ERGIC1: variants seen among roughly 807,000 people sequenced by gnomAD.
ERGIC1 encodes the protein endoplasmic reticulum-golgi intermediate compartment 1, also known as endoplasmic reticulum-Golgi intermediate compartment protein 1.
A neutral mutation model predicts 38.3 loss-of-function variants in ERGIC1; 19 were observed. That is an observed-to-expected ratio of 0.50 (90% CI 0.35 to 0.73). The LOEUF (loss-of-function observed/expected upper bound fraction) is 0.73. Ranked by LOEUF, ERGIC1 falls within the 30% of genes least tolerant of loss-of-function variation. ERGIC1 has a pLI of 0.01. For synonymous variants in ERGIC1, 124 were observed against 157.6 expected (o/e 0.79, Z 1.60); for missense variants, 294 against 389.2 (o/e 0.76, Z 2.06).
intron 2 of ERGIC1, among the ~76,000 whole-genome samples, chr5:172,889,372 T>C (rs1286890121): frequency 1.3e-5 from 2 of 152,016 alleles, no homozygotes; most frequent in Non-Finnish European, 1.5e-5. Flanking sequence ...TAAAAATGAT[T>C]TGAGTTTTCC....
intron 2 of ERGIC1, among the ~76,000 whole-genome samples, chr5:172,889,796 G>T (rs980804255): frequency 2.6e-5 from 4 of 152,134 alleles, no homozygotes; most frequent in Non-Finnish European, 5.9e-5. Flanking sequence ...TAGAATATTT[G>T]CATTATACTT....
At chr5:172,876,053 C>T (rs1483135221) in intron 1 of ERGIC1, among the ~76,000 whole-genome samples, 3 of 152,158 alleles carry the variant, frequency 2.0e-5, no homozygotes, top group East Asian at 3.8e-4. Flanking sequence ...CTGCTGTGTG[C>T]TTTGTATTGT....
At chr5:172,895,491 G>T (rs1762699186) in intron 2 of ERGIC1, among the ~76,000 whole-genome samples, 1 of 151,930 alleles carries the variant, frequency 6.6e-6, no homozygotes, top group Non-Finnish European at 1.5e-5. Flanking sequence ...CCTGGGAGCT[G>T]ACTCTCTGCC....
chr5:172,915,280 A>G (rs1763332160), intron 5 of ERGIC1: 2 of 571,156 alleles, frequency 3.5e-6, no homozygotes, highest in Admixed American at 6.1e-5. Context: ...ATTCATTCAG[A>G]AAAATTTTTG....
Position 172,834,981 on chromosome 5 carries a change from G to T in ERGIC1, c.20+548G>T, listed in dbSNP as rs1012851627. Reference sequence around the variant, plus strand: ...CCCTCCCTCCCTCAGCCCCAGCCCTGTCCGCTGGGTATGGGGGCACCATGG... The same window carrying T: ...CCCTCCCTCCCTCAGCCCCAGCCCTTTCCGCTGGGTATGGGGGCACCATGG... On this transcript the variant is annotated intron_variant, in intron 1 of 9. Transcript: ENST00000393784. The surrounding 1 kb of genome is among the most constrained non-coding windows in gnomAD (Gnocchi z 4.1). 2.0e-5 allele frequency among the ~76,000 whole-genome samples: 3 copies of T among 152,372 alleles called. No homozygotes were observed. The highest frequency in any genetic ancestry group is 6.5e-5 in the Admixed American group (1 of 15,314).
chr5:172,944,940 C>T lies in ERGIC1; in HGVS notation c.766-5769C>T, dbSNP rs181856224. Among the ~76,000 whole-genome samples the T allele has an allele frequency of 3.1e-3, 477 of 152,374 alleles. 2 individuals carry two copies. The highest frequency in any genetic ancestry group is 0.011 in the African/African-American group (440 of 41,582). ...ACCCCTGAGCGAGTCACCTTTGCCG[C>T]TGCCTTGGGTGTGGAACCCTGTGCC... On this transcript the variant is annotated intron_variant, in intron 9 of 9. Coordinates refer to ENST00000393784, the MANE Select transcript of ERGIC1 (RefSeq NM_001031711.3).
intron 1 of ERGIC1, among the ~76,000 whole-genome samples, chr5:172,839,557 C>T (rs1416250392): frequency 1.3e-5 from 2 of 151,864 alleles, no homozygotes; most frequent in Non-Finnish European, 2.9e-5. Flanking sequence ...GAGCAAGACC[C>T]TATCTCAAAA....
At chr5:172,896,935 C>A in intron 2 of ERGIC1, 67 bp from the exon 3 acceptor site, 1 of 1,469,930 alleles carries the variant, frequency 6.8e-7, no homozygotes, top group East Asian at 2.3e-5. Flanking sequence ...CCTCTTCCCT[C>A]TAGGCTGGTC....
chr5:172,915,329 T>C, intron 5 of ERGIC1: 1 of 486,864 alleles, frequency 2.1e-6, no homozygotes, highest in Non-Finnish European at 3.9e-6. Flanking sequence ...TGATAGGCTC[T>C]GGGGCAGCGT....
At chr5:172,858,448 C>T (rs957944823) in intron 1 of ERGIC1, among the ~76,000 whole-genome samples, 1 of 152,138 alleles carries the variant, frequency 6.6e-6, no homozygotes, top group Non-Finnish European at 1.5e-5. Context: ...AGCAAGGGGC[C>T]GGTGGTCTGC....
intron 6 of ERGIC1, among the ~76,000 whole-genome samples, chr5:172,925,151 TCAC>T (rs1192247897): frequency 1.1e-4 from 17 of 151,998 alleles, no homozygotes; most frequent in Admixed American, 2.0e-4. Context: ...GGCAGGAGAA[TCAC>T]TTGAACCTGG....
intron 1 of ERGIC1, among the ~76,000 whole-genome samples, chr5:172,873,776 T>G (rs768032314): frequency 2.5e-4 from 38 of 152,126 alleles, no homozygotes; most frequent in Non-Finnish European, 5.1e-4. Context: ...TCAGGAGTAG[T>G]AGGGAAGATT....
intron 5 of ERGIC1, chr5:172,920,437 G>A (rs13187960): frequency 0.3 from 218,244 of 717,492 alleles, 35,270 homozygotes; most frequent in Non-Finnish European, 0.35. Flanking sequence ...GAGACCCCAC[G>A]GTGACCTCGT....
chr5:172,941,508 G>T (rs1764012417), intron 9 of ERGIC1, among the ~76,000 whole-genome samples: 1 of 152,142 alleles, frequency 6.6e-6, no homozygotes, highest in South Asian at 2.1e-4. Context: ...CCTGACCCCA[G>T]TGCCTGCCTC....
chr5:172,948,670 G>A (rs1764171650), intron 9 of ERGIC1, among the ~76,000 whole-genome samples: 3 of 152,154 alleles, frequency 2.0e-5, no homozygotes, highest in Non-Finnish European at 4.4e-5. Context: ...CTGCTGCTCC[G>A]AGGCCTATGG....
intron 9 of ERGIC1, among the ~76,000 whole-genome samples, chr5:172,939,487 C>T (rs929910213): frequency 1.3e-5 from 2 of 152,262 alleles, no homozygotes; most frequent in African/African-American, 4.8e-5. Flanking sequence ...CGCTGACCTT[C>T]TGAGAGCAGG....
chr5:172,898,897 C>T (rs1762799932), intron 3 of ERGIC1, among the ~76,000 whole-genome samples: 1 of 152,186 alleles, frequency 6.6e-6, no homozygotes, highest in South Asian at 2.1e-4. Context: ...ATCTTAGGAT[C>T]ACCCTATCAT....
At chr5:172,849,929 C>G (rs1289146422) in intron 1 of ERGIC1, among the ~76,000 whole-genome samples, 3 of 152,196 alleles carry the variant, frequency 2.0e-5, no homozygotes, top group Admixed American at 6.6e-5. Context: ...GTGCTACAAA[C>G]TATAAATATC....
chr5:172,849,042 C>T (rs1340571792), intron 1 of ERGIC1, among the ~76,000 whole-genome samples: 1 of 152,184 alleles, frequency 6.6e-6, no homozygotes, highest in Non-Finnish European at 1.5e-5. Context: ...AGACACCTGA[C>T]ATTCCACCTT....
Sources: gnomAD v4.1 joint callset for allele counts (sites outside exome capture counted in the v4.1 genomes callset) on GRCh38, gnomAD v4.1.1 for gene constraint, Gnocchi (gnomAD v3.1) non-coding constraint, MANE v1.5 for transcripts, NCBI Gene and HGNC (gene_info 2026-07-23, HGNC 2026-07-21) for gene names.